Variants in S100A13 observed in about 807,000 individuals in gnomAD.
The protein encoded by S100A13 is protein S100-A13.
In S100A13, 6 loss-of-function variants were observed where a neutral mutation model predicts 8.2. The ratio of observed to expected loss-of-function variants is 0.73; its 90% CI spans 0.40 to 1.44. The LOEUF is 1.44. S100A13 is among the 40% of genes most tolerant of loss of function. The probability of loss-of-function intolerance (pLI) is 0.02; values close to 1 mark genes in which losing one functional copy is unlikely to be tolerated. For synonymous variants in S100A13, 39 were observed against 45.9 expected, an observed-to-expected ratio of 0.85 and a Z score of 0.61; for missense variants, 114 against 113.6, an observed-to-expected ratio of 1.00 and a Z score of -0.02.
intron 2 of S100A13, among the ~76,000 whole-genome samples, chr1:153,622,076 A>T (rs1282808915): frequency 6.6e-6 from 1 of 152,132 alleles, no homozygotes; most frequent in African/African-American, 2.4e-5. Flanking sequence ...AATCACAAAA[A>T]TTAAAAATGA....
upstream of S100A13, chr1:153,628,333 C>G (rs1024008890): frequency 6.6e-7 from 1 of 1,525,660 alleles, no homozygotes. Flanking sequence ...CTGCTCCTGG[C>G]CCCTTGCCCC....
At chr1:153,622,591 C>T (rs1228491009) in intron 2 of S100A13, among the ~76,000 whole-genome samples, 2 of 152,210 alleles carry the variant, frequency 1.3e-5, no homozygotes, top group Non-Finnish European at 2.9e-5. Flanking sequence ...GCAGGAGGAT[C>T]ACTTAAGCCT....
upstream of S100A13, chr1:153,634,249 C>T (rs1032489760): frequency 6.5e-6 from 1 of 152,732 alleles, no homozygotes; most frequent in African/African-American, 2.4e-5. Flanking sequence ...TAACCCGAGC[C>T]CCTCCACCGT....
At chr1:153,630,908 G>A, upstream of S100A13, 2 of 497,220 alleles carry the variant, frequency 4.0e-6, no homozygotes, top group South Asian at 3.8e-5. Flanking sequence ...AAGACACACA[G>A]ACTTAGAAGG....
At chr1:153,626,619 T>C in intron 1 of S100A13, 86 bp from the exon 2 acceptor site, 1 of 730,348 alleles carries the variant, frequency 1.4e-6, no homozygotes, top group East Asian at 2.6e-5. Context: ...CTTGGTGTTA[T>C]CACATCAGTC....
chr1:153,630,611 C>A, upstream of S100A13: 1 of 1,614,254 alleles, frequency 6.2e-7, no homozygotes. Flanking sequence ...ACAAGCTGAG[C>A]AAGAAGGAGC....
At chr1:153,632,118 G>A (rs1429910513), upstream of S100A13, 6 of 431,622 alleles carry the variant, frequency 1.4e-5, no homozygotes, top group Non-Finnish European at 8.3e-6. Flanking sequence ...CTTATTTGGG[G>A]AAGTGTCTTA....
At chr1:153,628,648 G>A (rs1236802565), upstream of S100A13, 1 of 1,303,080 alleles carries the variant, frequency 7.7e-7, no homozygotes, top group Admixed American at 2.8e-5. Flanking sequence ...TTGGGATTTG[G>A]GGGAGACAGG....
chr1:153,630,459 A>G (rs1327321357), upstream of S100A13: 11 of 1,597,388 alleles, frequency 6.9e-6, no homozygotes, highest in African/African-American at 1.3e-5. Flanking sequence ...CCTAGACCCC[A>G]GGTACTCCGG....
At chr1:153,623,001 GA>G (rs1166817773) in intron 2 of S100A13, among the ~76,000 whole-genome samples, 1 of 151,978 alleles carries the variant, frequency 6.6e-6, no homozygotes, top group Non-Finnish European at 1.5e-5. Context: ...GAGGTGGAAG[GA>G]TCACTTGAGC....
upstream of S100A13, chr1:153,628,894 G>C (rs936877105): frequency 1.7e-4 from 32 of 191,780 alleles, no homozygotes; most frequent in Non-Finnish European, 1.4e-4. Flanking sequence ...TACAACAGCT[G>C]TTTCTGCCCC....
chr1:153,630,808 G>A (rs1481972817), upstream of S100A13: 1 of 1,118,498 alleles, frequency 8.9e-7, no homozygotes, highest in Non-Finnish European at 1.3e-6. Flanking sequence ...GGTTTTTCCA[G>A]GCTCCCCTAC....
At chr1:153,620,039 C>T (rs941974453) in intron 2 of S100A13, among the ~76,000 whole-genome samples, 12 of 152,110 alleles carry the variant, frequency 7.9e-5, no homozygotes, top group Admixed American at 1.3e-4. Flanking sequence ...GTAATCTCAA[C>T]GCTTTGGGAG....
chr1:153,632,054 C>T, upstream of S100A13: 2 of 578,918 alleles, frequency 3.5e-6, no homozygotes, highest in Middle Eastern at 4.7e-4. Flanking sequence ...ATGTCTGTCT[C>T]CTCTGGGATC....
At chr1:153,632,115 G>A, upstream of S100A13, 1 of 436,612 alleles carries the variant, frequency 2.3e-6, no homozygotes, top group Admixed American at 3.8e-5. Context: ...CCCCTTATTT[G>A]GGGAAGTGTC....
At chr1:153,632,097 T>G (rs1314693068), upstream of S100A13, 3 of 486,580 alleles carry the variant, frequency 6.2e-6, no homozygotes, top group Non-Finnish European at 1.1e-5. Flanking sequence ...GACTGTTCAC[T>G]CTCAACTCCC....
chr1:153,620,480 G>C (rs955881410), intron 2 of S100A13, among the ~76,000 whole-genome samples: 1 of 149,066 alleles, frequency 6.7e-6, no homozygotes. Context: ...AAAAAGAGCT[G>C]TGACAGAAAC....
At position 153,626,391 on chromosome 1, in the gene S100A13, C is replaced by T; in HGVS notation, c.82G>A (p.Gly28Ser). ...TTFFTFARQE[G>S]RKDSLSVNEF... The stretch of plus-strand genomic sequence containing the variant: ...TTGACGCTGAGGCTATCCTTCCGGC[C>T]CTCCTGCCTTGCAAAGGTGAAGAAG... The change falls in exon 2 of 3, where the codon GGC (glycine) becomes AGC (serine). Residue 28 changes from glycine to serine, a missense_variant. By Grantham distance (56) the Gly-to-Ser change is moderately conservative (BLOSUM62 0). Transcript: ENST00000476133. 5.6e-6 allele frequency: 9 copies of T among 1,614,176 alleles called. No homozygotes were observed. The highest frequency in any genetic ancestry group is 7.6e-6 in the Non-Finnish European group (9 of 1,180,030).
chr1:153,631,946 T>TGCCCACCCCACCCCCACCCC (rs1264868421), upstream of S100A13: 8 of 1,338,294 alleles, frequency 6.0e-6, no homozygotes, highest in South Asian at 1.4e-5. Context: ...AACCCCACCC[T>TGCCCACCCCACCCCCACCCC]TGCCCACCCC....
Sources: gnomAD v4.1 joint callset for allele counts (sites outside exome capture counted in the v4.1 genomes callset) on GRCh38, gnomAD v4.1.1 for gene constraint, MANE v1.5 for transcripts, NCBI Gene and HGNC (gene_info 2026-07-23, HGNC 2026-07-21) for gene names.